Variants in COL5A2 observed in about 807,000 individuals in gnomAD.
The protein encoded by COL5A2 is collagen alpha-2(V) chain.
In COL5A2, 23 loss-of-function variants were observed where a neutral mutation model predicts 208.2. The observed-to-expected ratio is 0.11, with a 90% CI of 0.08 to 0.16. COL5A2 has a LOEUF of 0.16. COL5A2 is among the 10% of genes least tolerant of loss of function. COL5A2 has a pLI of 1.00. For synonymous variants in COL5A2, 625 were observed against 628.5 expected (o/e 0.99, Z 0.08); for missense variants, 1,590 against 1,956.4 (o/e 0.81, Z 3.53).
chr2:189,074,441 C>T (rs563895258), intron 17 of COL5A2, among the ~76,000 whole-genome samples: 1 of 152,216 alleles, frequency 6.6e-6, no homozygotes, highest in South Asian at 2.1e-4. Context: ...CAAAAAAGCA[C>T]AATGTACAAA....
intron 1 of COL5A2, among the ~76,000 whole-genome samples, chr2:189,168,403 C>T (rs773560024): frequency 6.6e-6 from 1 of 152,064 alleles, no homozygotes; most frequent in Non-Finnish European, 1.5e-5. Context: ...GTTAATCTTT[C>T]CATGGTAGTC....
chr2:189,246,287 A>AG, the COL5A2 span, among the ~76,000 whole-genome samples: 2 of 151,752 alleles, frequency 1.3e-5, no homozygotes, highest in South Asian at 4.2e-4. Flanking sequence ...ACAATTTATT[A>AG]GGAAAAAAAA....
intron 1 of COL5A2, among the ~76,000 whole-genome samples, chr2:189,217,164 C>G (rs1689289516): frequency 6.6e-6 from 1 of 152,050 alleles, no homozygotes; most frequent in Non-Finnish European, 1.5e-5. Context: ...TGCATTTATT[C>G]ACTTTCTGAA....
chr2:189,437,438 G>A, the COL5A2 span, among the ~76,000 whole-genome samples: 3 of 152,082 alleles, frequency 2.0e-5, no homozygotes, highest in Admixed American at 6.5e-5. Flanking sequence ...GCTGGTCCAC[G>A]GACCACACTT....
At chr2:189,194,631 T>C (rs1280844098) in intron 1 of COL5A2, among the ~76,000 whole-genome samples, 1 of 152,172 alleles carries the variant, frequency 6.6e-6, no homozygotes, top group East Asian at 1.9e-4. Context: ...TAATTTAAAA[T>C]GTTATAAATG....
chr2:189,259,073 G>A, the COL5A2 span, among the ~76,000 whole-genome samples: 1 of 152,252 alleles, frequency 6.6e-6, no homozygotes, highest in East Asian at 1.9e-4. Flanking sequence ...CAGCAGACGG[G>A]AAGATCAGAG....
At chr2:189,168,240 T>G (rs1688508398) in intron 1 of COL5A2, among the ~76,000 whole-genome samples, 1 of 150,484 alleles carries the variant, frequency 6.6e-6, no homozygotes, top group African/African-American at 2.4e-5. Flanking sequence ...TGCCCGGGTT[T>G]TTTTTTTTTT....
At chr2:189,310,644 G>A in the COL5A2 span, among the ~76,000 whole-genome samples, 1 of 152,166 alleles carries the variant, frequency 6.6e-6, no homozygotes, top group African/African-American at 2.4e-5. Context: ...TGGCAGCACT[G>A]TTCACAACAA....
chr2:189,290,225 G>A, the COL5A2 span, among the ~76,000 whole-genome samples: 1 of 152,176 alleles, frequency 6.6e-6, no homozygotes, highest in Admixed American at 6.5e-5. Context: ...AACACACAAT[G>A]AGAACATCTA....
intron 1 of COL5A2, among the ~76,000 whole-genome samples, chr2:189,195,032 C>T (rs990798512): frequency 1.3e-5 from 2 of 152,282 alleles, no homozygotes; most frequent in East Asian, 1.9e-4. Context: ...GTCAAATTGT[C>T]TCTGTTTGCA....
the COL5A2 span, among the ~76,000 whole-genome samples, chr2:189,239,510 G>A: frequency 6.6e-6 from 1 of 150,744 alleles, no homozygotes; most frequent in Non-Finnish European, 1.5e-5. Flanking sequence ...AAAATGCAAC[G>A]TTTCTGGCTT....
intron 53 of COL5A2, among the ~76,000 whole-genome samples, chr2:189,034,536 G>C (rs911729026): frequency 1.3e-5 from 2 of 151,982 alleles, no homozygotes; most frequent in Admixed American, 6.6e-5. Context: ...ATCTCAATAT[G>C]CAAGCGGGGA....
intron 13 of COL5A2, 128 bp from the exon 14 acceptor site, chr2:189,080,159 A>C (rs1030672151): frequency 2.8e-6 from 2 of 704,224 alleles, no homozygotes; most frequent in African/African-American, 3.6e-5. Flanking sequence ...TTGTTGCTCA[A>C]AATACTTTCA....
intron 1 of COL5A2, among the ~76,000 whole-genome samples, chr2:189,145,677 A>T (rs2105779551): frequency 6.6e-6 from 1 of 152,266 alleles, no homozygotes; most frequent in Non-Finnish European, 1.5e-5. Context: ...TTGGGCAAGT[A>T]CCATATTTTA....
the COL5A2 span, among the ~76,000 whole-genome samples, chr2:189,405,988 G>A: frequency 2.0e-5 from 3 of 152,128 alleles, no homozygotes; most frequent in Non-Finnish European, 4.4e-5. Flanking sequence ...GTTCTTTCTA[G>A]AGTCTTTGCA....
the COL5A2 span, among the ~76,000 whole-genome samples, chr2:189,346,613 A>G: frequency 6.6e-6 from 1 of 152,218 alleles, no homozygotes; most frequent in Non-Finnish European, 1.5e-5. Flanking sequence ...ATATATGACT[A>G]TGTACAGATA....
At chr2:189,036,916 T>C in intron 51 of COL5A2, 113 bp from the exon 52 acceptor site, 1 of 890,234 alleles carries the variant, frequency 1.1e-6, no homozygotes. Context: ...TTAAGGATTC[T>C]TTTAAGTGAG....
At chr2:189,399,803 G>A in the COL5A2 span, among the ~76,000 whole-genome samples, 4 of 152,058 alleles carry the variant, frequency 2.6e-5, no homozygotes, top group Admixed American at 6.6e-5. Flanking sequence ...TGGCTCAAGA[G>A]AGCTTCCTGC....
At chr2:189,151,996 CT>C (rs1428465057) in intron 1 of COL5A2, among the ~76,000 whole-genome samples, 2 of 152,146 alleles carry the variant, frequency 1.3e-5, no homozygotes, top group Non-Finnish European at 2.9e-5. Flanking sequence ...AAATTAATCT[CT>C]GTTTTTGAGT....
Sources: gnomAD v4.1 joint callset for allele counts (sites outside exome capture counted in the v4.1 genomes callset) on GRCh38, gnomAD v4.1.1 for gene constraint, MANE v1.5 for transcripts, NCBI Gene and HGNC (gene_info 2026-07-23, HGNC 2026-07-21) for gene names.